RGP1: variants seen among roughly 807,000 people sequenced by gnomAD.
RGP1 encodes the protein RGP1 partner of RAB6A GEF complex.
RGP1 carries 28 observed loss-of-function variants against 44.5 expected under a neutral mutation model. The observed-to-expected ratio is 0.63, with a 90% CI of 0.47 to 0.86. The LOEUF (loss-of-function observed/expected upper bound fraction) is 0.86. Among genes scored for constraint, RGP1 ranks in the 40% least tolerant of loss-of-function variants. The pLI is 0.00. For synonymous variants in RGP1, 212 were observed against 196.7 expected, an observed-to-expected ratio of 1.08 and a Z score of -0.65; for missense variants, 417 against 490.7, an observed-to-expected ratio of 0.85 and a Z score of 1.42.
At chr9:35,782,190 G>A in the RGP1 span, among the ~76,000 whole-genome samples, 1 of 151,694 alleles carries the variant, frequency 6.6e-6, no homozygotes, top group Non-Finnish European at 1.5e-5. Context: ...AAATTTTATT[G>A]ATGTTTTGAA....
rs1044688998 is a variant in RGP1, at chr9:35,750,870, G to A, written c.368G>A (p.Gly123Glu). Residue 123 changes from glycine to glutamate, a missense_variant, in exon 5 of 9, where the codon GGA becomes GAA. By Grantham distance (98) the Gly-to-Glu change is moderately conservative (BLOSUM62 -2). Coordinates refer to ENST00000378078, the MANE Select transcript of RGP1 (RefSeq NM_001080496.3). ...YSYSEVLPIE[G>E]PPSFRGQSVK... Reference sequence around the variant, plus strand: ...TACAGTGAAGTGCTGCCCATAGAGGGACCACCCTCCTTTCGGGGTCAGTCA... The same window carrying A: ...TACAGTGAAGTGCTGCCCATAGAGGAACCACCCTCCTTTCGGGGTCAGTCA... 1.2e-6 allele frequency: 2 copies of A among 1,613,882 alleles called. No individual in the cohort carries two copies. Among genetic ancestry groups the A allele is most frequent in the African/African-American group, 2.7e-5 (2 of 74,900 alleles).
Position 35,756,313 on chromosome 9 carries a change from G to C in RGP1, c.*3439G>C, listed in dbSNP as rs185804580. 6.6e-6 allele frequency: 1 copy of C among 152,352 alleles called. No homozygotes were observed. The highest frequency in any genetic ancestry group is 1.5e-5 in the Non-Finnish European group (1 of 68,086). The allele number at this position is 152,352 out of a possible 1,614,324, so 9.4% of individuals were successfully genotyped here. A position where few individuals can be genotyped will look rare whatever the true frequency, so the allele number is the denominator to read the frequency against. On this transcript the variant is annotated 3_prime_UTR_variant, in exon 9 of 9. Coordinates refer to ENST00000378078, the MANE Select transcript of RGP1 (RefSeq NM_001080496.3). ...CTACTTCTGGCTGACTTTTCAAGGG[G>C]GACCACCCTACCTGTCATCTCTTCA...
chr9:35,780,752 C>T, the RGP1 span, among the ~76,000 whole-genome samples: 422 of 151,610 alleles, frequency 2.8e-3, 3 homozygotes, highest in Non-Finnish European at 2.6e-3. Flanking sequence ...AACAACCAGG[C>T]GTGGTGGTGT....
the RGP1 span, among the ~76,000 whole-genome samples, chr9:35,764,695 T>C: frequency 6.6e-6 from 1 of 152,206 alleles, no homozygotes; most frequent in Non-Finnish European, 1.5e-5. Flanking sequence ...CTCATTGCAA[T>C]CCACACTGAT....
In RGP1 at chr9:35,753,627, A is replaced by T; in HGVS notation, c.*753A>T. ...GTCATCCCTCAGTCACTCATATCAGAGTCATTCTCTCTGGCCATCTTTGGT... is the reference window on the plus strand; with the variant it reads ...GTCATCCCTCAGTCACTCATATCAGTGTCATTCTCTCTGGCCATCTTTGGT... On this transcript the variant is annotated 3_prime_UTR_variant, in exon 9 of 9. Coordinates refer to ENST00000378078, the MANE Select transcript of RGP1 (RefSeq NM_001080496.3). This position sits in a 1 kb window ranked among gnomAD's most constrained non-coding sequence, Gnocchi z 4.2. 81 of 1,431,532 alleles carry T rather than the reference A, an allele frequency of 5.7e-5. No homozygotes were observed. The highest frequency in any genetic ancestry group is 7.2e-5 in the Non-Finnish European group (73 of 1,016,282). The allele number at this position is 1,431,532 out of a possible 1,614,324, so 88.7% of individuals were successfully genotyped here. A position where few individuals can be genotyped will look rare whatever the true frequency, so the allele number is the denominator to read the frequency against.
chr9:35,788,393 C>T, the RGP1 span, among the ~76,000 whole-genome samples: 5 of 152,004 alleles, frequency 3.3e-5, no homozygotes, highest in Non-Finnish European at 5.9e-5. Context: ...CATGGTGAAA[C>T]GCTGTCTCTA....
At chr9:35,765,044 T>TG in the RGP1 span, among the ~76,000 whole-genome samples, 1 of 151,070 alleles carries the variant, frequency 6.6e-6, no homozygotes. Context: ...GAGGATCTCT[T>TG]GAACTCAGGA....
chr9:35,750,209 C>G, intron 2 of RGP1, 34 bp from the exon 3 acceptor site: 1 of 1,603,086 alleles, frequency 6.2e-7, no homozygotes, highest in Non-Finnish European at 8.5e-7. Context: ...AGGTCAGGAA[C>G]TACCTCTGAT....
Position 35,753,489 on chromosome 9 carries a change from G to T in RGP1, c.*615G>T. 1.3e-6 allele frequency: 1 copy of T among 774,388 alleles called. No homozygotes were observed. The highest frequency in any genetic ancestry group is 2.1e-6 in the Non-Finnish European group (1 of 481,618). 48.0% of individuals were successfully genotyped at this position (774,388 alleles called of 1,614,324 possible). ...CTCCAGGTCCACCCCAACCTCCCCT[G>T]ATTTATAGCCTGAAGCCTTATCTTT... On this transcript the variant is annotated 3_prime_UTR_variant, in exon 9 of 9. Transcript: ENST00000378078. The surrounding 1 kb of genome is among the most constrained non-coding windows in gnomAD (Gnocchi z 4.2).
At position 35,753,639 on chromosome 9, in the gene RGP1, T is replaced by C. The variant is rs1178683257; in HGVS notation, c.*765T>C. The C allele has an allele frequency of 6.3e-7, 1 of 1,587,042 alleles. No individual in the cohort carries two copies. The highest frequency in any genetic ancestry group is 8.6e-7 in the Non-Finnish European group (1 of 1,156,276). ...TCACTCATATCAGAGTCATTCTCTC[T>C]GGCCATCTTTGGTCACTCACGTGTC... On this transcript the variant is annotated 3_prime_UTR_variant, in exon 9 of 9. Transcript: ENST00000378078. The surrounding 1 kb of genome is among the most constrained non-coding windows in gnomAD (Gnocchi z 4.2).
chr9:35,771,327 T>C, the RGP1 span, among the ~76,000 whole-genome samples: 1 of 152,174 alleles, frequency 6.6e-6, no homozygotes, highest in Admixed American at 6.5e-5. Context: ...TTACCCCTTC[T>C]GGAGGTGTTA....
At position 35,755,717 on chromosome 9, in the gene RGP1, T is replaced by C. The variant is rs554699825; in HGVS notation, c.*2843T>C. 6.6e-6 allele frequency: 1 copy of C among 152,104 alleles called. No homozygotes were observed. Among genetic ancestry groups the C allele is most frequent in the African/African-American group, 2.4e-5 (1 of 41,534 alleles). 9.4% of individuals were successfully genotyped at this position (152,104 alleles called of 1,614,324 possible). ...CCAGGAGGAGGAGCTCAGGCGGTAA[T>C]GCTCACTCGCCTGCCGCCCACCTCC... On this transcript the variant is annotated 3_prime_UTR_variant, in exon 9 of 9. Coordinates refer to ENST00000378078, the MANE Select transcript of RGP1 (RefSeq NM_001080496.3).
At chr9:35,761,462 G>A (rs1827415515), downstream of RGP1, among the ~76,000 whole-genome samples, 1 of 152,100 alleles carries the variant, frequency 6.6e-6, no homozygotes, top group Non-Finnish European at 1.5e-5. Context: ...CTTGAGTCCA[G>A]GAGTTCAAGA....
chr9:35,753,799 T>C lies in RGP1; in HGVS notation c.*925T>C. The C allele has an allele frequency of 6.3e-7, 1 of 1,594,018 alleles. No homozygotes were observed. Among genetic ancestry groups the C allele is most frequent in the Non-Finnish European group, 8.6e-7 (1 of 1,162,260 alleles). The stretch of plus-strand genomic sequence containing the variant: ...GAAGAACGGGAAATGTTAGTAGGTG[T>C]AGGAGTGCTGATGAGAGGCAGAGGC... On this transcript the variant is annotated 3_prime_UTR_variant, in exon 9 of 9. Coordinates refer to ENST00000378078, the MANE Select transcript of RGP1 (RefSeq NM_001080496.3). The surrounding 1 kb of genome is among the most constrained non-coding windows in gnomAD (Gnocchi z 4.2).
In RGP1 at chr9:35,752,156, C is replaced by T; in HGVS notation, c.952+11C>T. The T allele has an allele frequency of 1.3e-6, 2 of 1,537,762 alleles. No individual in the cohort carries two copies. Among genetic ancestry groups the T allele is most frequent in the Non-Finnish European group, 1.7e-6 (2 of 1,144,102 alleles). On this transcript the variant is annotated intron_variant, in intron 8 of 8. Transcript: ENST00000378078. ...TCTGTACAGCCATTGGTGAGACCCT[C>T]ACTGTTACTGGAGAAGGGAGAGGGG... is the stretch of plus-strand genomic sequence containing the variant.
chr9:35,777,445 G>T, the RGP1 span, among the ~76,000 whole-genome samples: 140 of 141,016 alleles, frequency 9.9e-4, no homozygotes, highest in Non-Finnish European at 1.6e-3. Context: ...ATGTTTTGTG[G>T]TTTTTTTTTT....
rs746155069 is a variant in RGP1 at position 35,749,862 on chromosome 9, C to G, written c.107C>G (p.Ser36Cys). The G allele has an allele frequency of 6.2e-7, 1 of 1,611,494 alleles. No individual in the cohort carries two copies. ...AACCCCCTTCCGCCCACGGCCACTT[C>G]TGCATCCAGGTGGGGATGCTGGCAC... is the stretch of plus-strand genomic sequence containing the variant. Reference protein sequence around the residue: ...VTNPLPPTATSASSEALAWAS... With the variant: ...VTNPLPPTATCASSEALAWAS... The change falls in exon 2 of 9, where the codon TCT becomes TGT. Residue 36 changes from serine (S) to cysteine (C), a missense_variant. Transcript: ENST00000378078. The surrounding 1 kb of genome is among the most constrained non-coding windows in gnomAD (Gnocchi z 4.4).
chr9:35,754,014 T>G lies in RGP1; in HGVS notation c.*1140T>G. 1.2e-6 allele frequency: 2 copies of G among 1,613,438 alleles called. No individual in the cohort carries two copies. Among genetic ancestry groups the G allele is most frequent in the Non-Finnish European group, 1.7e-6 (2 of 1,179,564 alleles). On this transcript the variant is annotated 3_prime_UTR_variant, in exon 9 of 9. Coordinates refer to ENST00000378078, the MANE Select transcript of RGP1 (RefSeq NM_001080496.3). ...CCCCACTTTACCTTGAGCTTGGAAG[T>G]AGCACTTGCTGTAGACTCCTGGGTG... is the stretch of plus-strand genomic sequence containing the variant.
At chr9:35,759,598 A>G (rs935211786), downstream of RGP1, among the ~76,000 whole-genome samples, 4 of 140,938 alleles carry the variant, frequency 2.8e-5, no homozygotes, top group African/African-American at 1.1e-4. Flanking sequence ...AAAAAAAAAA[A>G]AAGAATTCTT....
Sources: allele counts gnomAD v4.1 joint callset (sites outside exome capture counted in the v4.1 genomes callset), GRCh38; gene constraint gnomAD v4.1.1; non-coding constraint Gnocchi (gnomAD v3.1); transcripts MANE v1.5; gene names NCBI Gene and HGNC (gene_info 2026-07-23, HGNC 2026-07-21).